Variants in IPO11 observed in about 807,000 individuals in gnomAD.
IPO11 encodes the protein importin 11, also known as importin-11.
IPO11 carries 66 observed loss-of-function variants against 143.2 expected under a neutral mutation model. That is an observed-to-expected ratio of 0.46 (90% confidence interval 0.38 to 0.57). The LOEUF (loss-of-function observed/expected upper bound fraction) is 0.57. IPO11 is among the 20% of genes least tolerant of loss of function. IPO11 has a pLI of 0.00. For missense variants in IPO11, 1,026 were observed against 1,141.0 expected, an observed-to-expected ratio of 0.90 and a Z score of 1.45; for synonymous variants, 385 against 377.8, an observed-to-expected ratio of 1.02 and a Z score of -0.22.
At chr5:62,546,099 G>T (rs1271998740) in intron 24 of IPO11, among the ~76,000 whole-genome samples, 1 of 152,048 alleles carries the variant, frequency 6.6e-6, no homozygotes, top group Admixed American at 6.6e-5. Context: ...CATTACTGGA[G>T]ATATACCCAA....
At chr5:62,548,414 C>T (rs900204827) in intron 24 of IPO11, among the ~76,000 whole-genome samples, 3 of 151,952 alleles carry the variant, frequency 2.0e-5, no homozygotes, top group African/African-American at 7.3e-5. Flanking sequence ...GCTGCTTGTT[C>T]CTGTTGTTAT....
chr5:62,442,856 CTG>C (rs1744541235), intron 2 of IPO11, 125 bp from the exon 3 acceptor site: 4 of 253,518 alleles, frequency 1.6e-5, no homozygotes, highest in Non-Finnish European at 2.0e-5. Context: ...GAGAGTGAAA[CTG>C]TCTCAAAAAC....
At chr5:62,417,321 A>ATTTTTTTTTTTTTTTTTTTT (rs34767317) in intron 1 of IPO11, among the ~76,000 whole-genome samples, 1 of 65,330 alleles carries the variant, frequency 1.5e-5, no homozygotes, top group African/African-American at 6.4e-5. Flanking sequence ...TTATTGGTTA[A>ATTTTTTTTTTTTTTTTTTTT]TTTTTTTTTT....
chr5:62,532,003 A>G (rs1471624902), intron 22 of IPO11, among the ~76,000 whole-genome samples: 1 of 152,202 alleles, frequency 6.6e-6, no homozygotes, highest in East Asian at 1.9e-4. Context: ...GAGACTACAT[A>G]CCATGCTACT....
chr5:62,562,777 A>G (rs974277496), intron 27 of IPO11, among the ~76,000 whole-genome samples: 2 of 152,192 alleles, frequency 1.3e-5, no homozygotes, highest in Non-Finnish European at 2.9e-5. Context: ...TACTTCTACT[A>G]TGGTAATTTG....
chr5:62,558,164 T>G (rs1236356581), intron 26 of IPO11, among the ~76,000 whole-genome samples: 1 of 152,144 alleles, frequency 6.6e-6, no homozygotes, highest in African/African-American at 2.4e-5. Flanking sequence ...GCAAACAGGG[T>G]AAAAAATGAC....
At chr5:62,579,200 A>G (rs1744443331) in intron 27 of IPO11, among the ~76,000 whole-genome samples, 2 of 152,132 alleles carry the variant, frequency 1.3e-5, no homozygotes, top group Non-Finnish European at 2.9e-5. Flanking sequence ...ATTTTGTCAA[A>G]TAGTGGGTTA....
In IPO11 at chr5:62,627,495, C is replaced by T; in HGVS notation, c.*177C>T. 1 of 519,076 alleles carries T rather than the reference C, an allele frequency of 1.9e-6. No homozygotes were observed. Among genetic ancestry groups the T allele is most frequent in the Non-Finnish European group, 3.2e-6 (1 of 310,526 alleles). 32.2% of individuals were successfully genotyped at this position (519,076 alleles called of 1,614,324 possible). ...TGTAAATCCTGCATAACTAAAATCA[C>T]AAACCTATTCCTCAAAAGAATTTAA... On this transcript the variant is annotated 3_prime_UTR_variant, in exon 30 of 30. Transcript: ENST00000325324.
At chr5:62,500,232 TG>T in intron 16 of IPO11, among the ~76,000 whole-genome samples, 1 of 152,278 alleles carries the variant, frequency 6.6e-6, no homozygotes, top group South Asian at 2.1e-4. Context: ...CTGTGAGCCA[TG>T]ATCATGCCAC....
At chr5:62,522,055 C>T (rs1433844613) in intron 20 of IPO11, among the ~76,000 whole-genome samples, 1 of 152,050 alleles carries the variant, frequency 6.6e-6, no homozygotes, top group African/African-American at 2.4e-5. Context: ...TCATAGCAAA[C>T]ATTTTAATCA....
chr5:62,420,744 T>C (rs909815644), intron 1 of IPO11, among the ~76,000 whole-genome samples: 4 of 152,150 alleles, frequency 2.6e-5, no homozygotes, highest in Non-Finnish European at 5.9e-5. Flanking sequence ...CATGCCCAGC[T>C]AACTTTTTGT....
intron 26 of IPO11, among the ~76,000 whole-genome samples, chr5:62,556,722 T>G (rs1743587509): frequency 6.6e-6 from 1 of 152,240 alleles, no homozygotes; most frequent in Non-Finnish European, 1.5e-5. Flanking sequence ...TGAGAATTTT[T>G]TTTTAAATGA....
chr5:62,449,793 A>G (rs1346923187), intron 3 of IPO11, 134 bp from the exon 4 acceptor site: 6 of 538,426 alleles, frequency 1.1e-5, no homozygotes, highest in Non-Finnish European at 2.0e-5. Flanking sequence ...AATGGAAATA[A>G]TCCTTTTTAT....
intron 22 of IPO11, among the ~76,000 whole-genome samples, chr5:62,532,910 A>G (rs1025673313): frequency 6.6e-6 from 1 of 152,200 alleles, no homozygotes; most frequent in Non-Finnish European, 1.5e-5. Context: ...CCTTTTGATA[A>G]TGGATGTTCA....
intron 24 of IPO11, among the ~76,000 whole-genome samples, chr5:62,542,913 T>C (rs961853915): frequency 3.9e-5 from 6 of 152,200 alleles, no homozygotes; most frequent in African/African-American, 1.4e-4. Flanking sequence ...CACAAATATT[T>C]TTAAGGTGTA....
At position 62,483,068 on chromosome 5, in the gene IPO11, C is replaced by T. The variant is rs771304234; in HGVS notation, c.829-33C>T. ...TTCCAATATGAATTTGGGGAAAATACATTTTAATTTTTATTTATTTATTTT... is the reference window on the plus strand; with the variant it reads ...TTCCAATATGAATTTGGGGAAAATATATTTTAATTTTTATTTATTTATTTT... On this transcript the variant is annotated intron_variant, in intron 9 of 29. Transcript: ENST00000325324. 8 of 1,320,842 alleles carry T rather than the reference C, an allele frequency of 6.1e-6. No individual in the cohort carries two copies. The South Asian group carries it at 1.1e-4, about 17-fold the overall frequency. The allele number at this position is 1,320,842 out of a possible 1,614,324, so 81.8% of individuals were successfully genotyped here.
At chr5:62,521,733 C>CT (rs201620110) in intron 20 of IPO11, among the ~76,000 whole-genome samples, 39 of 148,822 alleles carry the variant, frequency 2.6e-4, no homozygotes, top group South Asian at 1.3e-3. Flanking sequence ...TTCCTTCCTG[C>CT]TTTTTTTTTT....
chr5:62,457,702 C>T (rs1745213081), intron 5 of IPO11, among the ~76,000 whole-genome samples: 1 of 152,094 alleles, frequency 6.6e-6, no homozygotes, highest in African/African-American at 2.4e-5. Flanking sequence ...TGCAGACTTA[C>T]TCCTTGTCAG....
chr5:62,585,517 A>G (rs1300957362), intron 27 of IPO11, among the ~76,000 whole-genome samples: 3 of 152,208 alleles, frequency 2.0e-5, no homozygotes, highest in African/African-American at 2.4e-5. Context: ...GAGGCTAGGT[A>G]AGGTCAGAGA....
Sources: allele counts gnomAD v4.1 joint callset (sites outside exome capture counted in the v4.1 genomes callset), GRCh38; gene constraint gnomAD v4.1.1; transcripts MANE v1.5; gene names NCBI Gene and HGNC (gene_info 2026-07-23, HGNC 2026-07-21).